Variants in CHSY3 observed in about 807,000 individuals in gnomAD.
The protein encoded by CHSY3 is N-acetylgalactosaminyl-proteoglycan 3-beta-glucuronosyltransferase 3.
Under a neutral mutation model 67.2 loss-of-function variants are expected in CHSY3, and 35 were observed. The ratio of observed to expected loss-of-function variants is 0.52; its 90% CI spans 0.40 to 0.69. The LOEUF (loss-of-function observed/expected upper bound fraction) is 0.69, where lower values mean the gene tolerates loss of function less well. CHSY3 is among the 30% of genes least tolerant of loss of function. CHSY3 has a pLI of 0.00. For synonymous variants in CHSY3, 474 were observed against 434.7 expected (o/e 1.09, Z -1.12); for missense variants, 1,069 against 1,138.5 (o/e 0.94, Z 0.88).
intron 2 of CHSY3, among the ~76,000 whole-genome samples, chr5:130,172,418 A>T (rs2107206): frequency 6.6e-6 from 1 of 150,930 alleles, no homozygotes; most frequent in Non-Finnish European, 1.5e-5. Context: ...GCAGCCTCGA[A>T]CTCCCAGGCT....
At chr5:129,981,224 CA>C (rs138422117) in intron 2 of CHSY3, among the ~76,000 whole-genome samples, 4 of 147,942 alleles carry the variant, frequency 2.7e-5, no homozygotes, top group Non-Finnish European at 3.0e-5. Flanking sequence ...CCGTCTCAAA[CA>C]AAAAAAAAAG....
intron 2 of CHSY3, among the ~76,000 whole-genome samples, chr5:130,085,943 G>T (rs1227716286): frequency 3.9e-5 from 6 of 152,090 alleles, no homozygotes. Context: ...TTAATCCTGA[G>T]TTCTAGTTTG....
At chr5:129,993,335 T>C (rs184893762) in intron 2 of CHSY3, among the ~76,000 whole-genome samples, 147 of 152,282 alleles carry the variant, frequency 9.7e-4, no homozygotes, top group African/African-American at 3.4e-3. Context: ...TATTATTGTG[T>C]GGGAGTCTAA....
intron 2 of CHSY3, among the ~76,000 whole-genome samples, chr5:130,131,986 C>T (rs1345710243): frequency 2.0e-5 from 3 of 152,106 alleles, no homozygotes; most frequent in South Asian, 2.1e-4. Flanking sequence ...TCAGTGCCTC[C>T]CTCCACCCAA....
chr5:130,060,592 G>A (rs907926124), intron 2 of CHSY3, among the ~76,000 whole-genome samples: 2 of 152,118 alleles, frequency 1.3e-5, no homozygotes, highest in East Asian at 1.9e-4. Flanking sequence ...GAAATAAAAG[G>A]CCTCCAAATT....
At chr5:129,992,818 G>T (rs918684017) in intron 2 of CHSY3, among the ~76,000 whole-genome samples, 3 of 152,166 alleles carry the variant, frequency 2.0e-5, no homozygotes, top group Non-Finnish European at 2.9e-5. Flanking sequence ...TGGTCTGTTT[G>T]AGGCAATTTC....
chr5:129,991,067 T>C (rs1763349121), intron 2 of CHSY3, among the ~76,000 whole-genome samples: 1 of 152,122 alleles, frequency 6.6e-6, no homozygotes, highest in South Asian at 2.1e-4. Flanking sequence ...AAGTAGATCA[T>C]TAGAACTGAG....
rs532817433 is a variant in CHSY3 at position 129,998,736 on chromosome 5, A to C, written c.1086+90376A>C. Among the ~76,000 whole-genome samples the C allele has an allele frequency of 4.7e-5, 7 of 150,258 alleles. 1 individual carries two copies. The South Asian group carries it at 1.1e-3, about 23-fold the overall frequency. ...GGCTTAAGATCTTTCAAATCTATGTATTTTTTTTTGCCCAGTTTTCTTTTA... is the reference window on the plus strand; with the variant it reads ...GGCTTAAGATCTTTCAAATCTATGTCTTTTTTTTTGCCCAGTTTTCTTTTA... On this transcript the variant is annotated intron_variant, in intron 2 of 2. Transcript: ENST00000305031.
intron 2 of CHSY3, among the ~76,000 whole-genome samples, chr5:129,942,654 C>G (rs1424507258): frequency 6.6e-6 from 1 of 152,036 alleles, no homozygotes; most frequent in Non-Finnish European, 1.5e-5. Context: ...ATGAAACTGC[C>G]TCTTAGGGGA....
chr5:130,132,565 T>G (rs1768518511), intron 2 of CHSY3, among the ~76,000 whole-genome samples: 1 of 152,194 alleles, frequency 6.6e-6, no homozygotes, highest in African/African-American at 2.4e-5. Flanking sequence ...ATATAAGTAG[T>G]TAGACCTTCT....
intron 2 of CHSY3, among the ~76,000 whole-genome samples, chr5:129,937,962 A>G (rs552592384): frequency 6.6e-6 from 1 of 151,946 alleles, no homozygotes; most frequent in East Asian, 1.9e-4. Flanking sequence ...TCCCCTCTTC[A>G]CTTCCCTAGT....
At chr5:129,976,937 A>G (rs1762828189) in intron 2 of CHSY3, among the ~76,000 whole-genome samples, 1 of 146,456 alleles carries the variant, frequency 6.8e-6, no homozygotes, top group African/African-American at 2.5e-5. Context: ...TATATATGAT[A>G]TTACTATGTA....
At chr5:129,992,644 G>A (rs1763402851) in intron 2 of CHSY3, among the ~76,000 whole-genome samples, 1 of 152,200 alleles carries the variant, frequency 6.6e-6, no homozygotes, top group Admixed American at 6.5e-5. Context: ...GAGGTGCTAT[G>A]AGCAGAGGAG....
intron 2 of CHSY3, among the ~76,000 whole-genome samples, chr5:130,025,562 G>T (rs977914946): frequency 1.6e-4 from 25 of 152,006 alleles, no homozygotes; most frequent in African/African-American, 5.8e-4. Flanking sequence ...CCATAAACTA[G>T]GTGGCTTCTA....
At chr5:129,927,279 A>C (rs1160522890) in intron 2 of CHSY3, among the ~76,000 whole-genome samples, 2 of 151,942 alleles carry the variant, frequency 1.3e-5, no homozygotes, top group Non-Finnish European at 2.9e-5. Flanking sequence ...TTTTCTGTTA[A>C]ATACTACCAC....
intron 2 of CHSY3, among the ~76,000 whole-genome samples, chr5:130,177,738 G>A (rs1005565333): frequency 2.6e-5 from 4 of 151,960 alleles, no homozygotes; most frequent in South Asian, 2.1e-4. Context: ...TAATTTCATC[G>A]GATTTAGCTT....
At position 130,131,701 on chromosome 5, in the gene CHSY3, G is replaced by C. The variant is rs147281862; in HGVS notation, c.1087-52528G>C. Among the ~76,000 whole-genome samples the C allele has an allele frequency of 6.2e-3, 937 of 152,234 alleles. 10 individuals carry two copies. Among genetic ancestry groups the C allele is most frequent in the African/African-American group, 0.022 (908 of 41,542 alleles). ...GTATGGTAAACTATCACAGGTTGCAGTTCAAAGGCCCTATAGAGTTGGTCA... is the reference window on the plus strand; with the variant it reads ...GTATGGTAAACTATCACAGGTTGCACTTCAAAGGCCCTATAGAGTTGGTCA... On this transcript the variant is annotated intron_variant, in intron 2 of 2. Transcript: ENST00000305031.
At chr5:130,180,123 C>A (rs1770200739) in intron 2 of CHSY3, among the ~76,000 whole-genome samples, 1 of 152,132 alleles carries the variant, frequency 6.6e-6, no homozygotes, top group Non-Finnish European at 1.5e-5. Context: ...TTGGTGCTTT[C>A]TGAGATCTCT....
In CHSY3 at chr5:129,976,453, G is replaced by A. The variant is rs55846006; in HGVS notation, c.1086+68093G>A. ...TTTCATAGATAATATCCCAGTAAAT[G>A]TGCACAGATATTTACTGTAACAGAG... is the stretch of plus-strand genomic sequence containing the variant. On this transcript the variant is annotated intron_variant, in intron 2 of 2. Coordinates refer to ENST00000305031, the MANE Select transcript of CHSY3 (RefSeq NM_175856.5). Among the ~76,000 whole-genome samples, 822 of 152,220 alleles carry A rather than the reference G, an allele frequency of 5.4e-3. 5 individuals are homozygous for A. Among genetic ancestry groups the A allele is most frequent in the African/African-American group, 0.019 (782 of 41,552 alleles).
Sources: gnomAD v4.1 joint callset for allele counts (sites outside exome capture counted in the v4.1 genomes callset) on GRCh38, gnomAD v4.1.1 for gene constraint, MANE v1.5 for transcripts, NCBI Gene and HGNC (gene_info 2026-07-23, HGNC 2026-07-21) for gene names.